The following KCNH7 variants were observed in gnomAD, a reference collection of about 807,000 sequenced individuals.
KCNH7 encodes potassium voltage-gated channel subfamily H member 7.
In KCNH7, 49 loss-of-function variants were observed where a neutral mutation model predicts 120.8. The observed-to-expected ratio is 0.41, with a 90% CI of 0.32 to 0.51. The LOEUF (loss-of-function observed/expected upper bound fraction) is 0.51. Ranked by LOEUF, KCNH7 falls within the 20% of genes least tolerant of loss-of-function variation. KCNH7 has a pLI of 0.38. For missense variants in KCNH7, 1,097 were observed against 1,446.6 expected (o/e 0.76, Z 3.92); for synonymous variants, 547 against 516.1 (o/e 1.06, Z -0.81).
intron 2 of KCNH7, among the ~76,000 whole-genome samples, chr2:162,749,179 CT>C (rs903769526): frequency 4.6e-5 from 7 of 151,160 alleles, no homozygotes; most frequent in Admixed American, 4.0e-4. Flanking sequence ...CCTTTCTTCT[CT>C]TTTCCTCTGC....
chr2:162,439,339 G>GT (rs1456295605), intron 7 of KCNH7, among the ~76,000 whole-genome samples: 1 of 151,922 alleles, frequency 6.6e-6, no homozygotes, highest in Non-Finnish European at 1.5e-5. Flanking sequence ...GCAAAATGTG[G>GT]TTATTGTTAT....
chr2:162,515,690 C>T (rs531827175), intron 4 of KCNH7, among the ~76,000 whole-genome samples: 6 of 151,720 alleles, frequency 4.0e-5, no homozygotes, highest in Non-Finnish European at 8.8e-5. Context: ...CAAATTCTAG[C>T]GGTTTCATTC....
chr2:162,772,198 A>T (rs1470808285), intron 2 of KCNH7, among the ~76,000 whole-genome samples: 2 of 152,230 alleles, frequency 1.3e-5, no homozygotes, highest in Non-Finnish European at 2.9e-5. Context: ...AGAATGGCAC[A>T]GACATTTAGA....
chr2:162,400,089 C>T, intron 10 of KCNH7, 100 bp downstream of exon 10: 1 of 1,309,130 alleles, frequency 7.6e-7, no homozygotes, highest in Non-Finnish European at 1.1e-6. Flanking sequence ...TTAAACTGTT[C>T]TTATGAATAC....
chr2:162,532,039 C>G (rs1691941710), intron 3 of KCNH7, among the ~76,000 whole-genome samples: 1 of 151,794 alleles, frequency 6.6e-6, no homozygotes, highest in Admixed American at 6.6e-5. Context: ...ATCTAAATTA[C>G]CAAATCCTCA....
chr2:162,438,145 G>A (rs1023468378), intron 7 of KCNH7, among the ~76,000 whole-genome samples: 3 of 152,026 alleles, frequency 2.0e-5, no homozygotes, highest in African/African-American at 7.2e-5. Flanking sequence ...CCAAATAGTT[G>A]GTTAAATGAA....
intron 3 of KCNH7, among the ~76,000 whole-genome samples, chr2:162,523,106 G>T (rs998797410): frequency 1.1e-4 from 16 of 151,750 alleles, no homozygotes; most frequent in Admixed American, 2.6e-4. Flanking sequence ...TTCACGTCAG[G>T]TTAGCACAAA....
intron 2 of KCNH7, among the ~76,000 whole-genome samples, chr2:162,698,117 C>T (rs1045668437): frequency 2.6e-5 from 4 of 152,100 alleles, no homozygotes; most frequent in African/African-American, 9.7e-5. Flanking sequence ...AATTACTTCT[C>T]CTCAACCTTG....
At position 162,411,074 on chromosome 2, in the gene KCNH7, C is replaced by T. The variant is rs912584275; in HGVS notation, c.2155-10633G>A. Among the ~76,000 whole-genome samples the T allele has an allele frequency of 5.3e-5, 8 of 152,128 alleles. 1 individual carries two copies. Among genetic ancestry groups the T allele is most frequent in the Admixed American group, 4.6e-4 (7 of 15,258 alleles). ...TCAAAGAACTTAAAAGAGAACTATTCCATTCAACCCAGCAGTCCCACTGTT... is the reference window on the plus strand; with the variant it reads ...TCAAAGAACTTAAAAGAGAACTATTTCATTCAACCCAGCAGTCCCACTGTT... On this transcript the variant is annotated intron_variant, in intron 9 of 15. Transcript: ENST00000332142.
chr2:162,772,000 A>G (rs75672364), intron 2 of KCNH7: 174 of 152,318 alleles, frequency 1.1e-3, no homozygotes, highest in African/African-American at 3.9e-3. Flanking sequence ...AGGTAAGCCT[A>G]CAGGCTAAGG....
chr2:162,680,641 A>C (rs916041732), intron 2 of KCNH7, among the ~76,000 whole-genome samples: 2 of 151,790 alleles, frequency 1.3e-5, no homozygotes, highest in African/African-American at 2.4e-5. Flanking sequence ...AGCTGCCATT[A>C]TACTAATAGA....
chr2:162,396,741 T>A lies in KCNH7; in HGVS notation c.2612A>T (p.Lys871Met). The change falls in exon 11 of 16, where the codon AAG becomes ATG. Residue 871 changes from lysine to methionine, a missense_variant and splice_region_variant. By Grantham distance (95) the Lys-to-Met change is moderately conservative. Around this residue, in one of 8 missense-constraint regions of KCNH7, gnomAD observed 406 missense variants for 410.5 expected, o/e 0.99. Coordinates refer to ENST00000332142, the MANE Select transcript of KCNH7 (RefSeq NM_033272.4). Reference sequence around the variant, plus strand: ...CATAAGCAAACAGTTAACATATACCTTTGCGCTCTCATGCCTTAGGTTGAA... The same window carrying A: ...CATAAGCAAACAGTTAACATATACCATTGCGCTCTCATGCCTTAGGTTGAA... ...LTFNLRHESA[K>M]ADLLRSQSMN... 1 of 1,604,890 alleles carries A rather than the reference T, an allele frequency of 6.2e-7. No individual in the cohort carries two copies. The highest frequency in any genetic ancestry group is 8.5e-7 in the Non-Finnish European group (1 of 1,172,888).
chr2:162,392,912 C>T (rs1686787568), intron 12 of KCNH7, among the ~76,000 whole-genome samples: 1 of 151,670 alleles, frequency 6.6e-6, no homozygotes, highest in Non-Finnish European at 1.5e-5. Context: ...CAACAGAAGT[C>T]CAGTGTGGAA....
At chr2:162,648,863 G>A (rs576637086) in intron 2 of KCNH7, among the ~76,000 whole-genome samples, 11 of 152,218 alleles carry the variant, frequency 7.2e-5, no homozygotes, top group African/African-American at 2.2e-4. Flanking sequence ...GTGGTGGGAC[G>A]TGAGGTGGGG....
intron 2 of KCNH7, among the ~76,000 whole-genome samples, chr2:162,553,702 G>T (rs1268350370): frequency 6.6e-6 from 1 of 152,064 alleles, no homozygotes. Context: ...TTGTCAGGAA[G>T]GGTGTTGGAA....
chr2:162,826,016 A>AGACG lies in KCNH7; in HGVS notation c.307+10520_307+10521insCGTC, dbSNP rs1291326353. Among the ~76,000 whole-genome samples the AGACG allele has an allele frequency of 1.5e-4, 4 of 26,204 alleles. No homozygotes were observed. In the Admixed American group the frequency reaches 1.8e-3, roughly 12 times the overall value. The allele number at this position is 26,204 out of a possible 152,430, so 17.2% of individuals were successfully genotyped here. A position where few individuals can be genotyped will look rare whatever the true frequency, so the allele number is the denominator to read the frequency against. On this transcript the variant is annotated intron_variant, in intron 2 of 15. Transcript: ENST00000332142. ...CAGTGAGGTTAAATCACTTTGACAG[A>AGACG]GACAGAGAGTAGAGATATAAGTCCT...
intron 3 of KCNH7, among the ~76,000 whole-genome samples, chr2:162,528,616 A>G (rs974052866): frequency 6.6e-6 from 1 of 151,986 alleles, no homozygotes; most frequent in African/African-American, 2.4e-5. Flanking sequence ...ATCAGAAGCT[A>G]TATCATGATA....
intron 2 of KCNH7, among the ~76,000 whole-genome samples, chr2:162,816,580 A>G (rs565527276): frequency 1.3e-5 from 2 of 152,278 alleles, no homozygotes; most frequent in South Asian, 4.1e-4. Flanking sequence ...AAAGAATTAA[A>G]TGCAATTAGT....
chr2:162,821,658 AACTTTCTTCTTTC>A (rs1185626001), intron 2 of KCNH7, among the ~76,000 whole-genome samples: 2 of 152,190 alleles, frequency 1.3e-5, no homozygotes, highest in African/African-American at 4.8e-5. Context: ...AATTTGTAAA[AACTTTCTTCTTTC>A]ACTTTAAAAA....
Sources: gnomAD v4.1 joint callset for allele counts (sites outside exome capture counted in the v4.1 genomes callset) on GRCh38, gnomAD v4.1.1 for gene constraint, gnomAD v4.1.1 regional missense constraint, MANE v1.5 for transcripts, NCBI Gene and HGNC (gene_info 2026-07-23, HGNC 2026-07-21) for gene names.